The following CPD variants were observed in gnomAD, a reference collection of about 807,000 sequenced individuals.
The protein encoded by CPD is metallocarboxypeptidase D.
In CPD, 69 loss-of-function variants were observed where a neutral mutation model predicts 138.3. That is an observed-to-expected ratio of 0.50 (90% CI 0.41 to 0.61). CPD has a LOEUF of 0.61. Ranked by LOEUF, CPD falls within the 20% of genes least tolerant of loss-of-function variation. The probability of loss-of-function intolerance (pLI) is 0.00; values close to 1 mark genes in which losing one functional copy is unlikely to be tolerated. For missense variants in CPD, 1,432 were observed against 1,733.3 expected, an observed-to-expected ratio of 0.83 and a Z score of 3.09; for synonymous variants, 651 against 642.1, an observed-to-expected ratio of 1.01 and a Z score of -0.21.
chr17:30,382,225 A>G lies in CPD; in HGVS notation c.746+2499A>G, dbSNP rs74538255. ...TTGAAATTTAGTTTGTCAGATATCA[A>G]GTTATCTTAATTTTTTTCAAGTTAT... is the stretch of plus-strand genomic sequence containing the variant. On this transcript the variant is annotated intron_variant, in intron 1 of 20. Transcript: ENST00000225719. 4.6e-5 allele frequency among the ~76,000 whole-genome samples: 7 copies of G among 152,234 alleles called. No individual in the cohort carries two copies. In the East Asian group the frequency reaches 5.8e-4, roughly 13 times the overall value.
intron 8 of CPD, among the ~76,000 whole-genome samples, chr17:30,435,491 AC>A (rs1376342835): frequency 6.6e-6 from 1 of 152,156 alleles, no homozygotes. Flanking sequence ...CCTTCCTCAC[AC>A]CACACCCCAA....
rs779498039 is a variant in CPD at position 30,423,550 on chromosome 17, G to A, written c.1702G>A (p.Val568Met). ...CATTGGAAATATGCATGGAAATGAA[G>A]TGGTTGGAAGAGAACTGCTGTTGAA... is the stretch of plus-strand genomic sequence containing the variant. ...KYIGNMHGNE[V>M]VGRELLLNLI... is the part of the protein sequence containing the mutation. The change falls in exon 6 of 21, where the codon GTG becomes ATG. Residue 568 changes from valine (V) to methionine (M), a missense_variant. Physicochemically the swap from Val to Met is conservative, Grantham distance 21. This residue lies in a region of CPD where 297 missense variants were observed against 405.3 expected (regional missense o/e 0.73). Transcript: ENST00000225719. 1 of 1,603,084 alleles carries A rather than the reference G, an allele frequency of 6.2e-7. No homozygotes were observed. The highest frequency in any genetic ancestry group is 2.3e-5 in the East Asian group (1 of 44,322).
intron 7 of CPD, among the ~76,000 whole-genome samples, chr17:30,429,027 T>A (rs1229933268): frequency 1.3e-5 from 2 of 152,184 alleles, no homozygotes; most frequent in Admixed American, 6.5e-5. Flanking sequence ...CAGTACATAC[T>A]GATGGATATT....
At chr17:30,453,539 G>A (rs1357634038) in intron 14 of CPD, among the ~76,000 whole-genome samples, 1 of 152,204 alleles carries the variant, frequency 6.6e-6, no homozygotes, top group Admixed American at 6.5e-5. Flanking sequence ...TTCACCAGCT[G>A]GCATTGAGTG....
chr17:30,442,113 T>A (rs1415171270), intron 9 of CPD, among the ~76,000 whole-genome samples, 195 bp from the exon 10 acceptor site: 5 of 152,184 alleles, frequency 3.3e-5, no homozygotes, highest in Non-Finnish European at 5.9e-5. Flanking sequence ...TATTAAGAGA[T>A]TCAACTTCTT....
intron 6 of CPD, among the ~76,000 whole-genome samples, chr17:30,426,668 A>G (rs1912417751): frequency 6.6e-6 from 1 of 152,244 alleles, no homozygotes; most frequent in Admixed American, 6.5e-5. Flanking sequence ...TTCCAAAACA[A>G]TGACTGGTTA....
At chr17:30,413,995 A>G (rs1244008797) in intron 2 of CPD, among the ~76,000 whole-genome samples, 1 of 152,204 alleles carries the variant, frequency 6.6e-6, no homozygotes, top group Non-Finnish European at 1.5e-5. Context: ...AGGTACTTAG[A>G]GTATCCCGTG....
intron 6 of CPD, among the ~76,000 whole-genome samples, chr17:30,424,474 A>G (rs1487447581): frequency 2.0e-5 from 3 of 152,340 alleles, no homozygotes; most frequent in Admixed American, 2.0e-4. Context: ...GCCGTGGTCA[A>G]GAGGAGGGAA....
chr17:30,428,748 G>A (rs1456313581), intron 7 of CPD, among the ~76,000 whole-genome samples: 1 of 152,132 alleles, frequency 6.6e-6, no homozygotes, highest in East Asian at 1.9e-4. Context: ...ACTGCTAATG[G>A]ATTTTGGGGT....
chr17:30,427,283 C>G (rs1912441340), intron 6 of CPD, 108 bp from the exon 7 acceptor site: 2 of 892,534 alleles, frequency 2.2e-6, no homozygotes, highest in East Asian at 2.5e-5. Flanking sequence ...AATAGCGAAG[C>G]CTGATGTGTT....
intron 2 of CPD, among the ~76,000 whole-genome samples, chr17:30,403,109 AAAAAT>A (rs938273208): frequency 1.3e-4 from 20 of 152,330 alleles, no homozygotes; most frequent in African/African-American, 4.3e-4. Context: ...TCCATCTCAA[AAAAAT>A]AAAATAAAAT....
At chr17:30,392,301 C>T (rs1597707098) in intron 2 of CPD, among the ~76,000 whole-genome samples, 2 of 152,106 alleles carry the variant, frequency 1.3e-5, no homozygotes, top group African/African-American at 2.4e-5. Context: ...TGAGCCACTG[C>T]GCCCGGCCTA....
chr17:30,381,598 G>A (rs992518193), intron 1 of CPD, among the ~76,000 whole-genome samples: 1 of 152,104 alleles, frequency 6.6e-6, no homozygotes. Flanking sequence ...CTCAAAATGC[G>A]TACTCTGTGC....
At chr17:30,383,296 G>A (rs1911098981) in intron 1 of CPD, among the ~76,000 whole-genome samples, 2 of 152,166 alleles carry the variant, frequency 1.3e-5, no homozygotes, top group African/African-American at 4.8e-5. Context: ...TATGTTTCAT[G>A]TGTGTTATCT....
intron 2 of CPD, among the ~76,000 whole-genome samples, chr17:30,406,183 A>G (rs551701632): frequency 6.6e-6 from 1 of 152,054 alleles, no homozygotes; most frequent in South Asian, 2.1e-4. Context: ...TCAAAGAAAA[A>G]TTTGGGGACT....
chr17:30,417,888 C>G (rs1215691326), intron 2 of CPD, among the ~76,000 whole-genome samples: 7 of 152,136 alleles, frequency 4.6e-5, no homozygotes, highest in Non-Finnish European at 2.9e-5. Flanking sequence ...ACCCTACTTA[C>G]CTTTCCAGCC....
At position 30,420,933 on chromosome 17, in the gene CPD, C is replaced by G; in HGVS notation, c.1087C>G (p.Arg363Gly). The change falls in exon 3 of 21, where the codon CGA becomes GGA. Residue 363 changes from arginine to glycine, a missense_variant. Physicochemically the swap from Arg to Gly is moderately radical, Grantham distance 125. Around this residue, in one of 6 missense-constraint regions of CPD, gnomAD observed 160 missense variants for 197.9 expected, o/e 0.81. Transcript: ENST00000225719. ...CCKYPPASQL[R>G]QEWENNRESL... Reference sequence around the variant, plus strand: ...CAAGTACCCACCTGCTTCACAGCTTCGACAGGAATGGGAGAACAATCGTGA... The same window carrying G: ...CAAGTACCCACCTGCTTCACAGCTTGGACAGGAATGGGAGAACAATCGTGA... 2.5e-6 allele frequency: 4 copies of G among 1,613,682 alleles called. No individual in the cohort carries two copies. The highest frequency in any genetic ancestry group is 3.4e-6 in the Non-Finnish European group (4 of 1,179,738).
rs775875206 is a variant in CPD at position 30,379,612 on chromosome 17, G to C, written c.632G>C (p.Ser211Thr). The C allele has an allele frequency of 6.8e-7, 1 of 1,475,164 alleles. No individual in the cohort carries two copies. Among genetic ancestry groups the C allele is most frequent in the South Asian group, 1.3e-5 (1 of 75,744 alleles). The allele number at this position is 1,475,164 out of a possible 1,614,324, so 91.4% of individuals were successfully genotyped here. ...TCCGGGGCCAGCGGCCGCGACAATA[G>C]TCGCGGCCGCGACCTCAACCGAAGC... The part of the protein sequence containing the change: ...GPSGASGRDN[S>T]RGRDLNRSFP... The change falls in exon 1 of 21, where the codon AGT becomes ACT. Residue 211 changes from serine (S) to threonine (T), a missense_variant. Transcript: ENST00000225719. The surrounding 1 kb of genome is among the most constrained non-coding windows in gnomAD (Gnocchi z 7.0).
intron 11 of CPD, among the ~76,000 whole-genome samples, chr17:30,444,793 GCTAA>G (rs1254555634): frequency 3.9e-5 from 6 of 152,024 alleles, no homozygotes; most frequent in Non-Finnish European, 5.9e-5. Context: ...CCTCCTGCTA[GCTAA>G]CTTATTTCTG....
Sources: gnomAD v4.1 joint callset for allele counts (sites outside exome capture counted in the v4.1 genomes callset) on GRCh38, gnomAD v4.1.1 for gene constraint, gnomAD v4.1.1 regional missense constraint, Gnocchi (gnomAD v3.1) non-coding constraint, MANE v1.5 for transcripts, NCBI Gene and HGNC (gene_info 2026-07-23, HGNC 2026-07-21) for gene names.